NBPF11: variants seen among roughly 807,000 people sequenced by gnomAD.
NBPF11 encodes NBPF member 11.
Under a neutral mutation model 93.9 loss-of-function variants are expected in NBPF11, and 72 were observed. The observed-to-expected ratio is 0.77, with a 90% CI of 0.63 to 0.93. The LOEUF is 0.93. Ranked by LOEUF, NBPF11 falls within the 40% of genes least tolerant of loss-of-function variation. The pLI is 0.00. For missense variants in NBPF11, 705 were observed against 802.2 expected, an observed-to-expected ratio of 0.88 and a Z score of 1.46; for synonymous variants, 224 against 304.9, an observed-to-expected ratio of 0.73 and a Z score of 2.76.
chr1:148,118,502 C>T (rs1348522618), intron 11 of NBPF11, 118 bp downstream of exon 11: 9 of 825,406 alleles, frequency 1.1e-5, no homozygotes, highest in African/African-American at 3.4e-5. Flanking sequence ...GCAAACCTGC[C>T]ATGGCAATTC....
At chr1:148,119,661 C>CATTATT (rs1437589702) in intron 10 of NBPF11, among the ~76,000 whole-genome samples, 1 of 151,734 alleles carries the variant, frequency 6.6e-6, no homozygotes, top group Non-Finnish European at 1.5e-5. Context: ...TTTTATTTAT[C>CATTATT]ATTATTATTT....
intron 7 of NBPF11, among the ~76,000 whole-genome samples, chr1:148,123,269 C>A (rs1668315432): frequency 6.6e-6 from 1 of 152,136 alleles, no homozygotes; most frequent in Admixed American, 6.5e-5. Context: ...GACATTCTAT[C>A]CATGGGGAGT....
intron 10 of NBPF11, among the ~76,000 whole-genome samples, chr1:148,120,091 G>A (rs1285497146): frequency 6.0e-5 from 9 of 150,828 alleles, no homozygotes; most frequent in African/African-American, 2.2e-4. Context: ...AGAGCTTTGT[G>A]TATTGGGCCT....
rs1331295358 is a variant in NBPF11 at position 148,143,135 on chromosome 1, G to A, written c.-277+280C>T. 3.2e-3 allele frequency among the ~76,000 whole-genome samples: 492 copies of A among 151,884 alleles called. 3 individuals carry two copies. The highest frequency in any genetic ancestry group is 7.6e-3 in the East Asian group (39 of 5,160). On this transcript the variant is annotated intron_variant, in intron 2 of 23. Coordinates refer to ENST00000682118, the MANE Select transcript of NBPF11 (RefSeq NM_001385469.3). ...TGGGGGGTGAGAGGGGAAGAGAGAG[G>A]AGAGGGATGCAGATCTAGCTACCAA...
chr1:148,126,265 C>T (rs1669088050), intron 5 of NBPF11, among the ~76,000 whole-genome samples: 1 of 151,982 alleles, frequency 6.6e-6, no homozygotes, highest in Non-Finnish European at 1.5e-5. Context: ...TCCCAAAGTG[C>T]TGAGATTACA....
At chr1:148,109,154 A>C in intron 17 of NBPF11, 130 bp downstream of exon 17, 1 of 788,878 alleles carries the variant, frequency 1.3e-6, no homozygotes, top group Non-Finnish European at 2.3e-6. Flanking sequence ...ACCAAAAAAC[A>C]ATGCAGTAGG....
rs1571401424 is a variant in NBPF11, at chr1:148,104,009, A to C, written c.2582-97T>G. The C allele has an allele frequency of 7.5e-6, 12 of 1,607,124 alleles. No homozygotes were observed. In the East Asian group the frequency reaches 2.5e-4, roughly 33 times the overall value. On this transcript the variant is annotated intron_variant, in intron 23 of 23. Transcript: ENST00000682118. Reference sequence around the variant, plus strand: ...AAGTAACATAAGGAAGTGGTTGGAAAAGAAAAAGGACAGATCCATTAATGA... The same window carrying C: ...AAGTAACATAAGGAAGTGGTTGGAACAGAAAAAGGACAGATCCATTAATGA...
chr1:148,111,252 C>A (rs1665190510), intron 15 of NBPF11, among the ~76,000 whole-genome samples: 1 of 152,110 alleles, frequency 6.6e-6, no homozygotes, highest in Non-Finnish European at 1.5e-5. Flanking sequence ...CTGTAGGTCA[C>A]CATCATCAAA....
intron 15 of NBPF11, among the ~76,000 whole-genome samples, chr1:148,113,178 T>C (rs1328531178): frequency 1.3e-5 from 2 of 151,888 alleles, no homozygotes; most frequent in African/African-American, 2.4e-5. Context: ...GAATGGCAAA[T>C]TGGATAAAGA....
At chr1:148,134,909 A>G in intron 4 of NBPF11, among the ~76,000 whole-genome samples, 1 of 151,974 alleles carries the variant, frequency 6.6e-6, no homozygotes, top group South Asian at 2.1e-4. Flanking sequence ...AGAGCCCACA[A>G]GCCTCAACCA....
Position 148,134,666 on chromosome 1 carries a change from A to G in NBPF11, c.-36+1006T>C, listed in dbSNP as rs1431690683. Among the ~76,000 whole-genome samples the G allele has an allele frequency of 1.2e-4, 18 of 151,660 alleles. No homozygotes were observed. In the East Asian group the frequency reaches 2.3e-3, roughly 20 times the overall value. ...TGTTATTTTCAACTGTTGTTCCAAC[A>G]GTTGTATTATAAAGGGCCAGTTTAT... is the stretch of plus-strand genomic sequence containing the variant. On this transcript the variant is annotated intron_variant, in intron 4 of 23. Transcript: ENST00000682118.
In NBPF11 at chr1:148,137,723, G is replaced by A. The variant is rs1269787955; in HGVS notation, c.-190C>T. The A allele has an allele frequency of 6.7e-6, 1 of 149,286 alleles. No homozygotes were observed. The highest frequency in any genetic ancestry group is 6.7e-5 in the Admixed American group (1 of 14,860). The allele number at this position is 149,286 out of a possible 1,614,324, so 9.2% of individuals were successfully genotyped here. A position where few individuals can be genotyped will look rare whatever the true frequency, so the allele number is the denominator to read the frequency against. ...ATATTGCCCTCACCTTTATGTGGCT[G>A]TTCCAGAGCCCTTGCCACCTGAAGA... is the stretch of plus-strand genomic sequence containing the variant. On this transcript the variant is annotated 5_prime_UTR_variant, in exon 3 of 24. Coordinates refer to ENST00000682118, the MANE Select transcript of NBPF11 (RefSeq NM_001385469.3).
At chr1:148,120,035 C>T (rs1667468934) in intron 10 of NBPF11, among the ~76,000 whole-genome samples, 2 of 151,562 alleles carry the variant, frequency 1.3e-5, no homozygotes, top group South Asian at 2.1e-4. Flanking sequence ...CCCCTCAGAG[C>T]GGGTACTGGC....
chr1:148,141,607 C>T (rs1385713725), intron 2 of NBPF11, among the ~76,000 whole-genome samples: 3 of 151,882 alleles, frequency 2.0e-5, no homozygotes, highest in African/African-American at 7.3e-5. Context: ...AATGCCTATG[C>T]CATTTACCTC....
chr1:148,105,977 C>G (rs1407888310), intron 21 of NBPF11, among the ~76,000 whole-genome samples: 2 of 145,364 alleles, frequency 1.4e-5, no homozygotes, highest in Non-Finnish European at 3.0e-5. Flanking sequence ...TCTGGTCCAC[C>G]TGCAGTAGGT....
At chr1:148,125,745 C>G (rs1487831375) in intron 5 of NBPF11, among the ~76,000 whole-genome samples, 1 of 151,904 alleles carries the variant, frequency 6.6e-6, no homozygotes, top group Non-Finnish European at 1.5e-5. Context: ...TTCATTGCAG[C>G]AATTTACAGA....
intron 1 of NBPF11, chr1:148,146,622 C>G (rs1673143584): frequency 6.2e-7 from 1 of 1,611,088 alleles, no homozygotes; most frequent in Non-Finnish European, 8.5e-7. Flanking sequence ...GTGCCGACTT[C>G]CAGTACAGCC....
At chr1:148,147,310 C>T (rs1268686789) in intron 1 of NBPF11, among the ~76,000 whole-genome samples, 1 of 152,036 alleles carries the variant, frequency 6.6e-6, no homozygotes, top group Non-Finnish European at 1.5e-5. Context: ...CCAAGTGAGG[C>T]GAGGCTGCTG....
intron 1 of NBPF11, chr1:148,149,570 C>A: frequency 6.3e-7 from 1 of 1,593,682 alleles, no homozygotes; most frequent in South Asian, 1.1e-5. Context: ...CGCCTAGCGG[C>A]GGCCCCAACC....
Sources: allele counts gnomAD v4.1 joint callset (sites outside exome capture counted in the v4.1 genomes callset), GRCh38; gene constraint gnomAD v4.1.1; transcripts MANE v1.5; gene names NCBI Gene and HGNC (gene_info 2026-07-23, HGNC 2026-07-21).